ALDH3A1: variants seen among roughly 807,000 people sequenced by gnomAD.
ALDH3A1 encodes aldehyde dehydrogenase, dimeric NADP-preferring.
Under a neutral mutation model 49.9 loss-of-function variants are expected in ALDH3A1, and 46 were observed. That is an observed-to-expected ratio of 0.92 (90% confidence interval 0.73 to 1.18). The LOEUF is 1.18. ALDH3A1 is among the 50% of genes most tolerant of loss of function. The probability of loss-of-function intolerance (pLI) is 0.00; values close to 1 mark genes in which losing one functional copy is unlikely to be tolerated. For missense variants in ALDH3A1, 592 were observed against 611.8 expected (o/e 0.97, Z 0.34); for synonymous variants, 269 against 253.3 (o/e 1.06, Z -0.59).
intron 1 of ALDH3A1, among the ~76,000 whole-genome samples, chr17:19,747,743 G>A (rs1357740888): frequency 6.6e-6 from 1 of 152,164 alleles, no homozygotes; most frequent in African/African-American, 2.4e-5. Flanking sequence ...CTGTGCCAGT[G>A]TTGACTTTGC....
In ALDH3A1 at chr17:19,742,343, C is replaced by T. The variant is rs2086511671; in HGVS notation, c.481-131G>A. On this transcript the variant is annotated intron_variant, in intron 4 of 10. Transcript: ENST00000225740. ...GCACCCCACCTTGGGCGGGGGGTAG[C>T]AGTAACTGGCAGTAGACCGCCTTTC... is the stretch of plus-strand genomic sequence containing the variant. 4.5e-6 allele frequency: 5 copies of T among 1,120,364 alleles called. No individual in the cohort carries two copies. In the Admixed American group the frequency reaches 1.1e-4, roughly 24 times the overall value. The allele number at this position is 1,120,364 out of a possible 1,614,324, so 69.4% of individuals were successfully genotyped here.
At position 19,745,094 on chromosome 17, in the gene ALDH3A1, G is replaced by A. The variant is rs751220464; in HGVS notation, c.36C>T (p.Arg12=). 5 of 1,590,334 alleles carry A rather than the reference G, an allele frequency of 3.1e-6. No homozygotes were observed. Among genetic ancestry groups the A allele is most frequent in the Non-Finnish European group, 4.3e-6 (5 of 1,174,428 alleles). Residue 12 remains arginine, a synonymous_variant, in exon 2 of 11, where the codon CGC becomes CGT. Transcript: ENST00000225740. ...GGGTCCTGCCCGAGCTGAAGGCGGC[G>A]CGGGCGCGCTTCACGGCCTCGCTGA... is the stretch of plus-strand genomic sequence containing the variant. ...SKISEAVKRA[R]AAFSSGRTRP...
intron 4 of ALDH3A1, 83 bp from the exon 5 acceptor site, chr17:19,742,295 A>C: frequency 6.9e-7 from 1 of 1,457,270 alleles, no homozygotes; most frequent in Non-Finnish European, 9.5e-7. Context: ...TGCAGTGGCC[A>C]AGACCAGCAG....
rs1467008566 is a variant in ALDH3A1 at position 19,744,393 on chromosome 17, ACT to A, written c.162+573_162+574del. On this transcript the variant is annotated intron_variant, in intron 2 of 10. Coordinates refer to ENST00000225740, the MANE Select transcript of ALDH3A1 (RefSeq NM_000691.5). ...ACTCCAGCCTGGGCGACAGAGCGAG[ACT>A]CTGTCTCAAATAAATAAATAAAATA... 6 of 965,512 alleles carry A rather than the reference ACT, an allele frequency of 6.2e-6. No individual in the cohort carries two copies. In the African/African-American group the frequency reaches 1.1e-4, roughly 17 times the overall value. 59.8% of individuals were successfully genotyped at this position (965,512 alleles called of 1,614,324 possible). A position where few individuals can be genotyped will look rare whatever the true frequency, so the allele number is the denominator to read the frequency against.
At chr17:19,744,684 C>G (rs995336632) in intron 2 of ALDH3A1, 1 of 1,318,902 alleles carries the variant, frequency 7.6e-7, no homozygotes, top group South Asian at 1.8e-5. Context: ...ATGGGGAGGA[C>G]CAGAAGTTCA....
At chr17:19,745,177 G>A (rs1000858181) in intron 1 of ALDH3A1, 43 bp from the exon 2 acceptor site, 17 of 1,521,322 alleles carry the variant, frequency 1.1e-5, no homozygotes, top group Admixed American at 1.9e-5. Context: ...GGGCACGAGC[G>A]CGCCCTGCCT....
In ALDH3A1 at chr17:19,741,209, G is replaced by A. The variant is rs779314973; in HGVS notation, c.691C>T (p.Arg231Cys). ...KNCDLDVACR[R>C]IAWGKFMNSG... ...TTCATGAATTTCCCCCAGGCGATGC[G>A]TCTGTGAGAATCCCAGACTGGACTA... The change falls in exon 6 of 11, where the codon CGC (arginine) becomes TGC (cysteine). Residue 231 changes from arginine to cysteine, a missense_variant and splice_region_variant. Transcript: ENST00000225740. 2.2e-5 allele frequency: 36 copies of A among 1,613,188 alleles called. 1 individual carries two copies. Among genetic ancestry groups the A allele is most frequent in the Admixed American group, 1.5e-4 (9 of 59,996 alleles).
At position 19,743,465 on chromosome 17, in the gene ALDH3A1, T is replaced by C. The variant is rs200396225; in HGVS notation, c.163-2A>G. 75 of 1,590,698 alleles carry C rather than the reference T, an allele frequency of 4.7e-5. No individual in the cohort carries two copies. The highest frequency in any genetic ancestry group is 6.3e-5 in the Non-Finnish European group (73 of 1,166,040). On this transcript the variant is annotated splice_acceptor_variant, in intron 2 of 10. Coordinates refer to ENST00000225740, the MANE Select transcript of ALDH3A1 (RefSeq NM_000691.5). LOFTEE classifies it high-confidence loss of function. This position sits in a 1 kb window ranked among gnomAD's most constrained non-coding sequence, Gnocchi z 4.4. ...CTCATAGTAGGCGTTCCATTCATTC[T>C]GCAGCGACAGAGCCGGAGTGAGCTT...
rs887241 is a variant in ALDH3A1, at chr17:19,742,625, A to T, written c.400T>A (p.Ser134Thr). 8.7e-6 allele frequency: 14 copies of T among 1,613,608 alleles called. No individual in the cohort carries two copies. In the African/African-American group the frequency reaches 1.6e-4, roughly 18 times the overall value. The change falls in exon 4 of 11, where the codon TCA becomes ACA. Residue 134 changes from serine (S) to threonine (T), a missense_variant. Physicochemically the swap from Ser to Thr is moderately conservative, Grantham distance 58. Coordinates refer to ENST00000225740, the MANE Select transcript of ALDH3A1 (RefSeq NM_000691.5). ...AGCTCCGAGGGCTTGAGGACCACTG[A>T]GTTCCCTGCAGAGCACACCGAGCCA... ...PMVGAIAAGN[S>T]VVLKPSELSE...
At chr17:19,740,114 C>G (rs2086462881) in intron 7 of ALDH3A1, 1 of 553,584 alleles carries the variant, frequency 1.8e-6, no homozygotes, top group Non-Finnish European at 3.1e-6. Context: ...AGATGAGGCC[C>G]CTCTTTCTGG....
rs1192347364 is a variant in ALDH3A1, at chr17:19,743,275, G to A, written c.351C>T (p.Pro117=). The change falls in exon 3 of 11, where the codon CCC becomes CCT. Residue 117 remains proline (P), a synonymous_variant. Transcript: ENST00000225740. The surrounding 1 kb of genome is among the most constrained non-coding windows in gnomAD (Gnocchi z 4.4). ...CCATGGGCTGGATGGTGAGGTTGAAGGGGTAGTTCCAGGTGCCAATGACGA... is the reference window on the plus strand; with the variant it reads ...CCATGGGCTGGATGGTGAGGTTGAAAGGGTAGTTCCAGGTGCCAATGACGA... ...VVLVIGTWNY[P]FNLTIQPMVG... is the part of the protein sequence containing the mutation. 15 of 1,613,984 alleles carry A rather than the reference G, an allele frequency of 9.3e-6. No individual in the cohort carries two copies. Among genetic ancestry groups the A allele is most frequent in the Non-Finnish European group, 1.1e-5 (13 of 1,180,020 alleles).
At chr17:19,740,626 A>C (rs2086475190) in intron 6 of ALDH3A1, 149 bp from the exon 7 acceptor site, 1 of 916,640 alleles carries the variant, frequency 1.1e-6, no homozygotes, top group South Asian at 1.7e-5. Context: ...ATCTTTTCTA[A>C]ATAATCTATA....
In ALDH3A1 at chr17:19,738,106, A is replaced by C; in HGVS notation, c.*115T>G. The C allele has an allele frequency of 6.3e-7, 1 of 1,596,924 alleles. No homozygotes were observed. Among genetic ancestry groups the C allele is most frequent in the Non-Finnish European group, 8.5e-7 (1 of 1,177,212 alleles). On this transcript the variant is annotated 3_prime_UTR_variant, in exon 11 of 11. Transcript: ENST00000225740. ...GCACAGGTCAGCAGGTCAGCAGAGGAGTGGGGCTGGGCTGGGGCTGCAGGA... is the reference window on the plus strand; with the variant it reads ...GCACAGGTCAGCAGGTCAGCAGAGGCGTGGGGCTGGGCTGGGGCTGCAGGA...
intron 2 of ALDH3A1, chr17:19,744,549 G>A: frequency 2.0e-6 from 2 of 985,456 alleles, no homozygotes; most frequent in Non-Finnish European, 2.4e-6. Context: ...TCTTGCTCAG[G>A]GTGAGGGACG....
Position 19,739,726 on chromosome 17 carries a change from T to C in ALDH3A1, c.950-52A>G, listed in dbSNP as rs769413564. 3.1e-6 allele frequency: 5 copies of C among 1,593,610 alleles called. No individual in the cohort carries two copies. In the South Asian group the frequency reaches 5.7e-5, roughly 18 times the overall value. On this transcript the variant is annotated intron_variant, in intron 7 of 10. Coordinates refer to ENST00000225740, the MANE Select transcript of ALDH3A1 (RefSeq NM_000691.5). Reference sequence around the variant, plus strand: ...GACGGCGCAGAGACCCCCACGCGGATGGAAAGTGCAAGCACCTAGACCCCT... The same window carrying C: ...GACGGCGCAGAGACCCCCACGCGGACGGAAAGTGCAAGCACCTAGACCCCT...
chr17:19,740,972 A>C (rs1338743613), intron 6 of ALDH3A1, 121 bp downstream of exon 6: 1 of 759,878 alleles, frequency 1.3e-6, no homozygotes, highest in East Asian at 2.6e-5. Flanking sequence ...AGCTTGCATT[A>C]TGTTTATATT....
At position 19,742,756 on chromosome 17, in the gene ALDH3A1, A is replaced by G. The variant is rs1336222111; in HGVS notation, c.395-126T>C. 3 of 1,552,796 alleles carry G rather than the reference A, an allele frequency of 1.9e-6. No homozygotes were observed. The Admixed American group carries it at 5.8e-5, about 30-fold the overall frequency. On this transcript the variant is annotated intron_variant, in intron 3 of 10. Transcript: ENST00000225740. ...CGGGACAGTGGATGGAAGAGTTGTT[A>G]GCAAACAAGCACATGTCACGGGGCA...
rs1249906190 is a variant in ALDH3A1, at chr17:19,743,002, G to C, written c.394+230C>G. ...GAAGCTCCAGCCCCCCAACAGGGGTGGGGGAAGGCAGGCCCTCTCTGTATC... is the reference window on the plus strand; with the variant it reads ...GAAGCTCCAGCCCCCCAACAGGGGTCGGGGAAGGCAGGCCCTCTCTGTATC... On this transcript the variant is annotated intron_variant, in intron 3 of 10. Transcript: ENST00000225740. The surrounding 1 kb of genome is among the most constrained non-coding windows in gnomAD (Gnocchi z 4.4). 2.6e-6 allele frequency: 4 copies of C among 1,531,152 alleles called. No individual in the cohort carries two copies. The highest frequency in any genetic ancestry group is 2.0e-5 in the Admixed American group (1 of 50,806). 94.8% of individuals were successfully genotyped at this position (1,531,152 alleles called of 1,614,324 possible).
intron 2 of ALDH3A1, 73 bp downstream of exon 2, chr17:19,744,895 T>TACC: frequency 2.2e-6 from 2 of 924,176 alleles, no homozygotes; most frequent in African/African-American, 2.3e-5. Flanking sequence ...GGTCGCACTC[T>TACC]CCCCAGCCCC....
Sources: gnomAD v4.1 joint callset for allele counts (sites outside exome capture counted in the v4.1 genomes callset) on GRCh38, gnomAD v4.1.1 for gene constraint, Gnocchi (gnomAD v3.1) non-coding constraint, MANE v1.5 for transcripts, NCBI Gene and HGNC (gene_info 2026-07-23, HGNC 2026-07-21) for gene names.